KIF5B: variants seen among roughly 807,000 people sequenced by gnomAD.
The protein encoded by KIF5B is kinesin family member 5B.
KIF5B carries 49 observed loss-of-function variants against 132.8 expected under a neutral mutation model. The observed-to-expected ratio is 0.37, with a 90% CI of 0.29 to 0.47. The LOEUF (loss-of-function observed/expected upper bound fraction) is 0.47. Ranked by LOEUF, KIF5B falls within the 20% of genes least tolerant of loss-of-function variation. The pLI, the probability that KIF5B is intolerant of heterozygous loss-of-function variation, is 1.00. For missense variants in KIF5B, 780 were observed against 1,144.0 expected (o/e 0.68, Z 4.59); for synonymous variants, 355 against 369.4 (o/e 0.96, Z 0.45).
intron 11 of KIF5B, 85 bp from the exon 12 acceptor site, chr10:32,034,123 T>A: frequency 2.3e-6 from 2 of 868,608 alleles, no homozygotes; most frequent in Non-Finnish European, 3.4e-6. Flanking sequence ...TTTTTTTTTT[T>A]TTTTTGAGAC....
intron 2 of KIF5B, among the ~76,000 whole-genome samples, chr10:32,042,000 GA>G (rs574309055): frequency 5.9e-5 from 9 of 152,180 alleles, no homozygotes; most frequent in African/African-American, 1.7e-4. Context: ...TCAAAGGGGG[GA>G]AAAAGGCAAT....
intron 14 of KIF5B, 97 bp from the exon 15 acceptor site, chr10:32,028,668 C>T (rs1281547535): frequency 8.0e-6 from 8 of 997,576 alleles, no homozygotes; most frequent in South Asian, 5.1e-5. Context: ...CAAGCCCTTA[C>T]GAAACCATGT....
intron 23 of KIF5B, 67 bp from the exon 24 acceptor site, chr10:32,017,426 TC>T: frequency 8.4e-7 from 1 of 1,196,536 alleles, no homozygotes. Context: ...TATGAGCATT[TC>T]ATAATTGCTC....
At chr10:32,028,727 C>T (rs1397802828) in intron 14 of KIF5B, among the ~76,000 whole-genome samples, 156 bp from the exon 15 acceptor site, 1 of 152,212 alleles carries the variant, frequency 6.6e-6, no homozygotes, top group Admixed American at 6.5e-5. Flanking sequence ...TCTGGGCTCC[C>T]AGCTCAAACT....
Position 32,022,118 on chromosome 10 carries a change from CAT to C in KIF5B, c.2032+20_2032+21del, listed in dbSNP as rs1367912506. ...CTAAAATAAGAACACAGATGTAACT[CAT>C]AAACAGTTGGAAGCTATACCTTGTG... On this transcript the variant is annotated intron_variant, in intron 17 of 25. Coordinates refer to ENST00000302418, the MANE Select transcript of KIF5B (RefSeq NM_004521.3). The C allele has an allele frequency of 2.6e-6, 3 of 1,166,980 alleles. No individual in the cohort carries two copies. The highest frequency in any genetic ancestry group is 2.5e-6 in the Non-Finnish European group (2 of 793,188). 72.3% of individuals were successfully genotyped at this position (1,166,980 alleles called of 1,614,324 possible).
At position 32,040,657 on chromosome 10, in the gene KIF5B, A is replaced by ACACACACACACACACC. The variant is rs370537671; in HGVS notation, c.215-201_215-200insGGTGTGTGTGTGTGTG. Reference sequence around the variant, plus strand: ...CACACACACACACACACACACACACACCCTCTTCCTAACCCTTGCATACTA... The same window carrying ACACACACACACACACC: ...CACACACACACACACACACACACACACACACACACACACACCCCCTCTTCCTAACCCTTGCATACTA... On this transcript the variant is annotated intron_variant, in intron 2 of 25. Coordinates refer to ENST00000302418, the MANE Select transcript of KIF5B (RefSeq NM_004521.3). 1.6e-3 allele frequency among the ~76,000 whole-genome samples: 221 copies of ACACACACACACACACC among 137,684 alleles called. 1 individual carries two copies. Among genetic ancestry groups the ACACACACACACACACC allele is most frequent in the Middle Eastern group, 7.6e-3 (2 of 264 alleles). 90.3% of individuals were successfully genotyped at this position (137,684 alleles called of 152,430 possible).
rs3781125 is a variant in KIF5B at position 32,045,057 on chromosome 10, C to T, written c.214+3407G>A. On this transcript the variant is annotated intron_variant, in intron 2 of 25. Coordinates refer to ENST00000302418, the MANE Select transcript of KIF5B (RefSeq NM_004521.3). Reference sequence around the variant, plus strand: ...AACAAAAGTAATAGATGCATGTATCCTAAACGTCAGGAAAACAGACTTCAT... The same window carrying T: ...AACAAAAGTAATAGATGCATGTATCTTAAACGTCAGGAAAACAGACTTCAT... Among the ~76,000 whole-genome samples, 5 of 152,200 alleles carry T rather than the reference C, an allele frequency of 3.3e-5. No homozygotes were observed. The East Asian group carries it at 7.7e-4, about 23-fold the overall frequency.
At chr10:32,023,463 C>T (rs899412382) in intron 15 of KIF5B, among the ~76,000 whole-genome samples, 2 of 152,144 alleles carry the variant, frequency 1.3e-5, no homozygotes, top group Admixed American at 6.5e-5. Context: ...ACTTTAAGCT[C>T]AACCAGAAGG....
intron 2 of KIF5B, among the ~76,000 whole-genome samples, chr10:32,046,119 T>C (rs1358021650): frequency 1.3e-5 from 2 of 152,034 alleles, no homozygotes; most frequent in Non-Finnish European, 2.9e-5. Context: ...ATCTGCACTT[T>C]AAAGGTTTGC....
chr10:32,055,647 G>GACT (rs1564472777), intron 1 of KIF5B, among the ~76,000 whole-genome samples: 1 of 152,190 alleles, frequency 6.6e-6, no homozygotes, highest in East Asian at 1.9e-4. Flanking sequence ...CGGCGCCGAA[G>GACT]ACTGGGGTGG....
chr10:32,022,774 G>T (rs2132587250), intron 16 of KIF5B, 74 bp downstream of exon 16: 1 of 1,141,060 alleles, frequency 8.8e-7, no homozygotes, highest in South Asian at 1.7e-5. Context: ...ACATTTTTCT[G>T]AAAACTTGTA....
At chr10:32,012,590 T>C (rs924316717) in intron 25 of KIF5B, among the ~76,000 whole-genome samples, 4 of 152,228 alleles carry the variant, frequency 2.6e-5, no homozygotes, top group South Asian at 4.1e-4. Flanking sequence ...TAAATAATTG[T>C]ATTTTTACAT....
intron 1 of KIF5B, among the ~76,000 whole-genome samples, chr10:32,055,344 G>A (rs1037809418): frequency 2.6e-5 from 4 of 152,114 alleles, no homozygotes; most frequent in African/African-American, 9.7e-5. Flanking sequence ...CTCCCAGAGG[G>A]AAACAATACG....
chr10:32,018,568 A>G lies in KIF5B; in HGVS notation c.2307-6T>C, dbSNP rs1308144896. The stretch of plus-strand genomic sequence containing the variant: ...CTCGTCTATCTTGCATAACCCTAAC[A>G]GTAGAAGAACAAACATATATTTTCA... On this transcript the variant is annotated splice_region_variant and splice_polypyrimidine_tract_variant and intron_variant, in intron 20 of 25. Coordinates refer to ENST00000302418, the MANE Select transcript of KIF5B (RefSeq NM_004521.3). 1 of 1,604,590 alleles carries G rather than the reference A, an allele frequency of 6.2e-7. No individual in the cohort carries two copies. The highest frequency in any genetic ancestry group is 2.2e-5 in the East Asian group (1 of 44,638).
intron 1 of KIF5B, 144 bp from the exon 2 acceptor site, chr10:32,048,695 T>TAGA (rs1564471286): frequency 5.3e-6 from 3 of 567,392 alleles, no homozygotes; most frequent in Non-Finnish European, 9.2e-6. Context: ...ATCTTTGAAG[T>TAGA]AGAAGGGATC....
At chr10:32,051,114 A>C (rs1238106073) in intron 1 of KIF5B, among the ~76,000 whole-genome samples, 1 of 152,246 alleles carries the variant, frequency 6.6e-6, no homozygotes, top group East Asian at 1.9e-4. Context: ...GTTAAGTTAT[A>C]CACTTGGATC....
chr10:32,035,875 G>A lies in KIF5B; in HGVS notation c.816+15C>T. 6.3e-7 allele frequency: 1 copy of A among 1,581,270 alleles called. No individual in the cohort carries two copies. The highest frequency in any genetic ancestry group is 8.6e-7 in the Non-Finnish European group (1 of 1,156,892). ...CCCATAAGGTAACAGGGAGATAGAA[G>A]ACATGTATACTCACACTACCCTCAG... On this transcript the variant is annotated intron_variant, in intron 9 of 25. Transcript: ENST00000302418.
chr10:32,019,180 TTA>T (rs1173270153), intron 20 of KIF5B, among the ~76,000 whole-genome samples: 1 of 152,210 alleles, frequency 6.6e-6, no homozygotes, highest in Non-Finnish European at 1.5e-5. Flanking sequence ...TACTGATTAA[TTA>T]TAGATTATAA....
At chr10:32,040,657 A>ACACACACACACAC (rs370537671) in intron 2 of KIF5B, among the ~76,000 whole-genome samples, 200 bp from the exon 3 acceptor site, 4 of 137,574 alleles carry the variant, frequency 2.9e-5, no homozygotes, top group Admixed American at 7.4e-5. Context: ...ACACACACAC[A>ACACACACACACAC]CCCTCTTCCT....
Sources: allele counts gnomAD v4.1 joint callset (sites outside exome capture counted in the v4.1 genomes callset), GRCh38; gene constraint gnomAD v4.1.1; transcripts MANE v1.5; gene names NCBI Gene and HGNC (gene_info 2026-07-23, HGNC 2026-07-21).